ERO1A: variants seen among roughly 807,000 people sequenced by gnomAD.
ERO1A encodes the protein ERO1-like protein alpha.
ERO1A carries 49 observed loss-of-function variants against 76.9 expected under a neutral mutation model. The ratio of observed to expected loss-of-function variants is 0.64; its 90% CI spans 0.51 to 0.81. The LOEUF (loss-of-function observed/expected upper bound fraction) is 0.81. ERO1A is among the 30% of genes least tolerant of loss of function. ERO1A has a pLI of 0.00. For synonymous variants in ERO1A, 174 were observed against 181.2 expected, an observed-to-expected ratio of 0.96 and a Z score of 0.32; for missense variants, 448 against 542.1, an observed-to-expected ratio of 0.83 and a Z score of 1.72.
rs574394645 is a variant in ERO1A at position 52,650,767 on chromosome 14, T to TGCAC, written c.1125+1468_1125+1471dup. On this transcript the variant is annotated intron_variant, in intron 13 of 15. Coordinates refer to ENST00000395686, the MANE Select transcript of ERO1A (RefSeq NM_014584.3). ...CTTTTAATGACAAAAAATCGTGCTG[T>TGCAC]GCACATAATGAGTGTGTAATAAATC... Among the ~76,000 whole-genome samples the TGCAC allele has an allele frequency of 2.8e-4, 43 of 152,322 alleles. 1 individual carries two copies. In the South Asian group the frequency reaches 8.5e-3, roughly 30 times the overall value.
In ERO1A at chr14:52,671,850, G is replaced by T; in HGVS notation, c.379C>A (p.Leu127Ile). ...TCAGCTTGTTCACATTCTTCAATGA[G>T]ATTATTGGCTTCTTCAGAATACTAA... Reference protein sequence around the residue: ...SYKYSEEANNLIEECEQAERL... With the variant: ...SYKYSEEANNIIEECEQAERL... The change falls in exon 5 of 16, where the codon CTC becomes ATC. Residue 127 changes from leucine (L) to isoleucine (I), a missense_variant. Leu to Ile is a conservative substitution (Grantham distance 5). Around this residue, in one of 2 missense-constraint regions of ERO1A, gnomAD observed 302 missense variants for 411.9 expected, o/e 0.73. Coordinates refer to ENST00000395686, the MANE Select transcript of ERO1A (RefSeq NM_014584.3). 6.2e-7 allele frequency: 1 copy of T among 1,603,380 alleles called. No homozygotes were observed. The highest frequency in any genetic ancestry group is 1.1e-5 in the South Asian group (1 of 88,680).
Position 52,653,244 on chromosome 14 carries a change from C to T in ERO1A, c.880G>A (p.Glu294Lys). Residue 294 changes from glutamate (E) to lysine (K), a missense_variant, in exon 12 of 16, where the codon GAA (glutamate) becomes AAA (lysine). Transcript: ENST00000395686. ...FQQRFDGILTEGEGPRRLKNL... is the reference protein window; with the variant it reads ...FQQRFDGILTKGEGPRRLKNL... ...TTAAGCCTTCTTGGACCTTCTCCTT[C>T]AGTCAAAATTCCATCAAATCGCTGT... 2 of 1,612,340 alleles carry T rather than the reference C, an allele frequency of 1.2e-6. No homozygotes were observed. The highest frequency in any genetic ancestry group is 1.7e-6 in the Non-Finnish European group (2 of 1,178,750).
rs2040598903 is a variant in ERO1A at position 52,671,577 on chromosome 14, T to G, written c.508+53A>C. 3.7e-6 allele frequency: 5 copies of G among 1,346,446 alleles called. No homozygotes were observed. In the South Asian group the frequency reaches 6.7e-5, roughly 18 times the overall value. The allele number at this position is 1,346,446 out of a possible 1,614,324, so 83.4% of individuals were successfully genotyped here. On this transcript the variant is annotated intron_variant, in intron 6 of 15. Coordinates refer to ENST00000395686, the MANE Select transcript of ERO1A (RefSeq NM_014584.3). Reference sequence around the variant, plus strand: ...CCAGATTAAAATAATTAAAAACTTTTTTTTTCTTAGGTATAATTTTAAACA... The same window carrying G: ...CCAGATTAAAATAATTAAAAACTTTGTTTTTCTTAGGTATAATTTTAAACA...
chr14:52,653,944 A>C (rs975232670), intron 11 of ERO1A, among the ~76,000 whole-genome samples: 5 of 152,098 alleles, frequency 3.3e-5, no homozygotes, highest in African/African-American at 1.2e-4. Flanking sequence ...AATAGACCTT[A>C]GGTGCAAGAA....
intron 11 of ERO1A, among the ~76,000 whole-genome samples, chr14:52,653,737 G>A (rs2039953230): frequency 6.6e-6 from 1 of 151,584 alleles, no homozygotes; most frequent in African/African-American, 2.4e-5. Flanking sequence ...TGATTATAGG[G>A]TCATTTTTAT....
Position 52,670,345 on chromosome 14 carries a change from T to C in ERO1A, c.508+1285A>G, listed in dbSNP as rs568331283. Among the ~76,000 whole-genome samples the C allele has an allele frequency of 9.2e-5, 14 of 152,342 alleles. No individual in the cohort carries two copies. The East Asian group carries it at 2.7e-3, about 29-fold the overall frequency. On this transcript the variant is annotated intron_variant, in intron 6 of 15. Coordinates refer to ENST00000395686, the MANE Select transcript of ERO1A (RefSeq NM_014584.3). The stretch of plus-strand genomic sequence containing the variant: ...AAGGAAATACTAGAAAAAGGAAGAA[T>C]TGGAAAATCTATACATCTTGATCAG...
At chr14:52,647,582 T>C (rs1460210525) in intron 13 of ERO1A, among the ~76,000 whole-genome samples, 1 of 152,116 alleles carries the variant, frequency 6.6e-6, no homozygotes, top group Non-Finnish European at 1.5e-5. Flanking sequence ...TACATATGTA[T>C]ACATCCATGA....
chr14:52,676,184 C>G (rs998347174), intron 4 of ERO1A, among the ~76,000 whole-genome samples: 16 of 150,172 alleles, frequency 1.1e-4, no homozygotes, highest in Non-Finnish European at 1.2e-4. Flanking sequence ...CAATATTTTA[C>G]TTTTCATAAA....
chr14:52,660,704 A>G (rs1204328993), intron 9 of ERO1A, among the ~76,000 whole-genome samples: 1 of 152,218 alleles, frequency 6.6e-6, no homozygotes, highest in Non-Finnish European at 1.5e-5. Flanking sequence ...CATTTTAGCA[A>G]TTTCACCTAG....
intron 4 of ERO1A, among the ~76,000 whole-genome samples, chr14:52,677,988 G>A (rs766154297): frequency 3.1e-4 from 47 of 150,306 alleles, no homozygotes; most frequent in Non-Finnish European, 4.1e-4. Context: ...TAAACAGGCC[G>A]GACGCGGTGG....
intron 4 of ERO1A, among the ~76,000 whole-genome samples, chr14:52,676,482 G>A (rs961816035): frequency 1.3e-5 from 2 of 152,166 alleles, no homozygotes; most frequent in Non-Finnish European, 2.9e-5. Context: ...AAGAGACCAA[G>A]AGGGGCAGCA....
At chr14:52,646,969 G>GTTTT (rs1566633921) in intron 13 of ERO1A, 1 of 110,712 alleles carries the variant, frequency 9.0e-6, no homozygotes, top group Non-Finnish European at 1.8e-5. Flanking sequence ...AAATCCTTTG[G>GTTTT]TTTCTTTTTT....
chr14:52,652,171 T>C, intron 13 of ERO1A, 68 bp downstream of exon 13: 1 of 984,016 alleles, frequency 1.0e-6, no homozygotes, highest in Non-Finnish European at 1.6e-6. Flanking sequence ...CTTCTATGAG[T>C]ACTATATATT....
intron 2 of ERO1A, among the ~76,000 whole-genome samples, chr14:52,682,674 G>A (rs190781518): frequency 6.6e-6 from 1 of 152,236 alleles, no homozygotes; most frequent in Non-Finnish European, 1.5e-5. Flanking sequence ...CGAGGGGGGC[G>A]GATCACCTGA....
intron 11 of ERO1A, among the ~76,000 whole-genome samples, chr14:52,656,629 T>C (rs2040055239): frequency 6.6e-6 from 1 of 150,402 alleles, no homozygotes; most frequent in Non-Finnish European, 1.5e-5. Flanking sequence ...GGAGAATCAC[T>C]TGAACCCAGG....
chr14:52,674,190 C>A (rs2040702856), intron 4 of ERO1A, among the ~76,000 whole-genome samples: 1 of 152,162 alleles, frequency 6.6e-6, no homozygotes, highest in Non-Finnish European at 1.5e-5. Flanking sequence ...TACTTTCAGT[C>A]TATCGATTAA....
chr14:52,682,636 T>A (rs1326021551), intron 2 of ERO1A, among the ~76,000 whole-genome samples: 1 of 152,160 alleles, frequency 6.6e-6, no homozygotes, highest in Admixed American at 6.5e-5. Context: ...CAGTGGCTTA[T>A]GCCTGTAATC....
intron 6 of ERO1A, among the ~76,000 whole-genome samples, chr14:52,669,257 C>A (rs983022924): frequency 6.6e-5 from 10 of 152,094 alleles, no homozygotes; most frequent in Admixed American, 3.9e-4. Context: ...AGAAATGAAT[C>A]ATTGATTCTC....
chr14:52,653,535 A>AG (rs1348436660), intron 11 of ERO1A, among the ~76,000 whole-genome samples: 1 of 151,902 alleles, frequency 6.6e-6, no homozygotes, highest in Non-Finnish European at 1.5e-5. Context: ...TGTTTTACTG[A>AG]GAAAGCAAGT....
Sources: gnomAD v4.1 joint callset for allele counts (sites outside exome capture counted in the v4.1 genomes callset) on GRCh38, gnomAD v4.1.1 for gene constraint, gnomAD v4.1.1 regional missense constraint, MANE v1.5 for transcripts, NCBI Gene and HGNC (gene_info 2026-07-23, HGNC 2026-07-21) for gene names.